Variants in TRIO observed in about 807,000 individuals in gnomAD.
The protein encoded by TRIO is triple functional domain protein.
A neutral mutation model predicts 351.9 loss-of-function variants in TRIO; 58 were observed. The ratio of observed to expected loss-of-function variants is 0.16; its 90% CI spans 0.13 to 0.21. The LOEUF (loss-of-function observed/expected upper bound fraction) is 0.21. Ranked by LOEUF, TRIO falls within the 10% of genes least tolerant of loss-of-function variation. TRIO has a pLI of 1.00. For missense variants in TRIO, 3,201 were observed against 4,027.8 expected (o/e 0.79, Z 5.56); for synonymous variants, 1,758 against 1,595.7 (o/e 1.10, Z -2.42).
At chr5:14,468,808 G>T (rs1439672568) in intron 37 of TRIO, among the ~76,000 whole-genome samples, 1 of 152,166 alleles carries the variant, frequency 6.6e-6, no homozygotes, top group East Asian at 1.9e-4. Flanking sequence ...GGGAGGAGAG[G>T]AGAGAAGATG....
chr5:14,189,125 A>T (rs1448556025), intron 1 of TRIO, among the ~76,000 whole-genome samples: 1 of 152,138 alleles, frequency 6.6e-6, no homozygotes, highest in Non-Finnish European at 1.5e-5. Flanking sequence ...AATTGTATTT[A>T]TTTCTATTTT....
chr5:14,457,004 G>T (rs1331174088), intron 34 of TRIO, among the ~76,000 whole-genome samples: 1 of 152,094 alleles, frequency 6.6e-6, no homozygotes, highest in Non-Finnish European at 1.5e-5. Flanking sequence ...TAGGCCAAAG[G>T]AATTTCTACT....
chr5:14,263,242 C>T (rs1795464677), intron 1 of TRIO, among the ~76,000 whole-genome samples: 1 of 152,170 alleles, frequency 6.6e-6, no homozygotes, highest in Non-Finnish European at 1.5e-5. Context: ...CTCTAGATTA[C>T]ACTTTGTATA....
rs536654783 is a variant in TRIO, at chr5:14,399,258, G to A, written c.4614+188G>A. 1.3e-4 allele frequency: 79 copies of A among 607,886 alleles called. No individual in the cohort carries two copies. The African/African-American group carries it at 1.3e-3, about 10-fold the overall frequency. 37.7% of individuals were successfully genotyped at this position (607,886 alleles called of 1,614,324 possible). A position where few individuals can be genotyped will look rare whatever the true frequency, so the allele number is the denominator to read the frequency against. On this transcript the variant is annotated intron_variant, in intron 30 of 56. Coordinates refer to ENST00000344204, the MANE Select transcript of TRIO (RefSeq NM_007118.4). ...CCCACCCTCAAGTCCACTAGAGGGTGCTCTGGAGTTTATAGACTTAGGAAA... is the reference window on the plus strand; with the variant it reads ...CCCACCCTCAAGTCCACTAGAGGGTACTCTGGAGTTTATAGACTTAGGAAA...
At chr5:14,320,926 G>A (rs1353036602) in intron 9 of TRIO, among the ~76,000 whole-genome samples, 7 of 152,214 alleles carry the variant, frequency 4.6e-5, no homozygotes, top group Non-Finnish European at 1.0e-4. Context: ...GGAGTGAGGG[G>A]TGGATGAAAC....
At chr5:14,493,436 TTATTG>T (rs1405513157) in intron 49 of TRIO, among the ~76,000 whole-genome samples, 2 of 152,252 alleles carry the variant, frequency 1.3e-5, no homozygotes, top group Non-Finnish European at 2.9e-5. Flanking sequence ...ATGCATTTTG[TTATTG>T]TATTTGTTAC....
chr5:14,183,548 C>T (rs1322937060), intron 1 of TRIO, among the ~76,000 whole-genome samples: 1 of 151,284 alleles, frequency 6.6e-6, no homozygotes, highest in Non-Finnish European at 1.5e-5. Context: ...ACAATAAACT[C>T]CTCCCTTCCC....
intron 1 of TRIO, among the ~76,000 whole-genome samples, chr5:14,191,057 AC>A (rs1289045585): frequency 2.0e-5 from 3 of 152,020 alleles, no homozygotes; most frequent in Non-Finnish European, 4.4e-5. Flanking sequence ...CTCTGCTGTG[AC>A]CCGCAGACCT....
intron 18 of TRIO, among the ~76,000 whole-genome samples, chr5:14,372,059 A>G (rs545288091): frequency 2.0e-5 from 3 of 152,236 alleles, no homozygotes; most frequent in African/African-American, 7.2e-5. Context: ...TCCTTTCATT[A>G]CTATTTATTA....
chr5:14,507,287 G>A (rs1383650286), intron 56 of TRIO, 27 bp downstream of exon 56: 5 of 1,610,006 alleles, frequency 3.1e-6, no homozygotes, highest in Middle Eastern at 2.3e-4. Flanking sequence ...GCAGGTGAAG[G>A]GGGGTCTGAG....
intron 38 of TRIO, among the ~76,000 whole-genome samples, chr5:14,471,985 A>C (rs1754725680): frequency 6.6e-6 from 1 of 152,032 alleles, no homozygotes; most frequent in African/African-American, 2.4e-5. Flanking sequence ...GTATCCCAGC[A>C]CCTCCGATGG....
chr5:14,308,102 A>G (rs1738534164), intron 8 of TRIO, among the ~76,000 whole-genome samples: 1 of 152,038 alleles, frequency 6.6e-6, no homozygotes, highest in African/African-American at 2.4e-5. Flanking sequence ...GGTTCCTTAC[A>G]GTATTGTATG....
At chr5:14,467,820 A>T (rs1449706748) in intron 37 of TRIO, among the ~76,000 whole-genome samples, 2 of 152,096 alleles carry the variant, frequency 1.3e-5, no homozygotes, top group Non-Finnish European at 2.9e-5. Context: ...TCAAAAAAAT[A>T]AAAAAAGGAG....
intron 19 of TRIO, among the ~76,000 whole-genome samples, chr5:14,376,784 T>G (rs1349977804): frequency 6.6e-6 from 1 of 152,246 alleles, no homozygotes; most frequent in African/African-American, 2.4e-5. Flanking sequence ...TTCAAAGGAA[T>G]GCATGCACCT....
chr5:14,466,185 A>T (rs904764607), intron 37 of TRIO: 1 of 159,382 alleles, frequency 6.3e-6, no homozygotes, highest in Non-Finnish European at 1.4e-5. Context: ...CCAAGGACTT[A>T]CAAGTTCCCT....
chr5:14,246,869 T>G (rs970334418), intron 1 of TRIO, among the ~76,000 whole-genome samples: 1 of 152,220 alleles, frequency 6.6e-6, no homozygotes, highest in Non-Finnish European at 1.5e-5. Flanking sequence ...CTTGGCATGG[T>G]GGTGCCCACT....
At chr5:14,364,868 CTCA>C in intron 15 of TRIO, 52 bp downstream of exon 15, 1 of 1,544,760 alleles carries the variant, frequency 6.5e-7, no homozygotes, top group Non-Finnish European at 8.7e-7. Context: ...TGCTTGATAC[CTCA>C]TCGACTTCCC....
chr5:14,427,950 G>A (rs1306346633), intron 34 of TRIO, among the ~76,000 whole-genome samples: 1 of 152,150 alleles, frequency 6.6e-6, no homozygotes, highest in African/African-American at 2.4e-5. Context: ...CAGAGACCAA[G>A]GTTCTTCTCT....
In TRIO at chr5:14,358,211, C is replaced by T. The variant is rs765935520; in HGVS notation, c.2080C>T (p.Leu694=). The T allele has an allele frequency of 3.7e-6, 6 of 1,613,840 alleles. No homozygotes were observed. The South Asian group carries it at 6.6e-5, about 18-fold the overall frequency. Residue 694 remains leucine, a synonymous_variant, in exon 12 of 57, where the codon CTG becomes TTG. Coordinates refer to ENST00000344204, the MANE Select transcript of TRIO (RefSeq NM_007118.4). The part of the protein sequence containing the change: ...WTWLEELQKE[L]LDDVYAESVE... The stretch of plus-strand genomic sequence containing the variant: ...GTGGCTGGAGGAGCTGCAGAAGGAG[C>T]TGCTGGACGACGTGTATGCCGAGTC...
Sources: allele counts gnomAD v4.1 joint callset (sites outside exome capture counted in the v4.1 genomes callset), GRCh38; gene constraint gnomAD v4.1.1; transcripts MANE v1.5; gene names NCBI Gene and HGNC (gene_info 2026-07-23, HGNC 2026-07-21).